Variants in ZNF605 observed in about 807,000 individuals in gnomAD.
ZNF605 encodes zinc finger protein 605.
ZNF605 carries 9 observed loss-of-function variants against 7.9 expected under a neutral mutation model. That is an observed-to-expected ratio of 1.14 (90% confidence interval 0.68 to 1.98). The LOEUF (loss-of-function observed/expected upper bound fraction) is 1.98, where lower values mean the gene tolerates loss of function less well. Among genes scored for constraint, ZNF605 ranks in the 30% most tolerant of loss-of-function variants. ZNF605 has a pLI of 0.00. For synonymous variants in ZNF605, 255 were observed against 260.1 expected, an observed-to-expected ratio of 0.98 and a Z score of 0.19; for missense variants, 673 against 762.4, an observed-to-expected ratio of 0.88 and a Z score of 1.38.
chr12:132,926,863 T>C lies in ZNF605; in HGVS notation c.436A>G (p.Ser146Gly). Residue 146 changes from serine to glycine, a missense_variant, in exon 5 of 5, where the codon AGT becomes GGT. Transcript: ENST00000360187. ...THGGIKYCDCSTCRKSSNEEP... is the reference protein window; with the variant it reads ...THGGIKYCDCGTCRKSSNEEP... ...TCGTTGCTGGATTTTCTACATGTAC[T>C]GCAATCACAGTATTTTATCCCACCA... The C allele has an allele frequency of 6.2e-7, 1 of 1,614,220 alleles. No individual in the cohort carries two copies. The highest frequency in any genetic ancestry group is 8.5e-7 in the Non-Finnish European group (1 of 1,180,038).
At chr12:132,939,254 C>T (rs1952405598) in intron 3 of ZNF605, among the ~76,000 whole-genome samples, 1 of 152,214 alleles carries the variant, frequency 6.6e-6, no homozygotes, top group Non-Finnish European at 1.5e-5. Context: ...TTATATCTAG[C>T]TCAGGGATTG....
chr12:132,928,426 A>G (rs945793882), intron 4 of ZNF605, among the ~76,000 whole-genome samples: 1 of 152,184 alleles, frequency 6.6e-6, no homozygotes, highest in African/African-American at 2.4e-5. Context: ...CAACACTTTT[A>G]TTCAACTTCT....
intron 1 of ZNF605, among the ~76,000 whole-genome samples, chr12:132,954,239 G>A (rs1006763923): frequency 6.7e-6 from 1 of 148,478 alleles, no homozygotes; most frequent in South Asian, 2.2e-4. Context: ...ATAATCACCA[G>A]CACCCCCAAA....
chr12:132,921,668 C>G lies in ZNF605; in HGVS notation c.*3705G>C, dbSNP rs1235915472. ...CGTCAATGAAGCCTCCTGGCATTGT[C>G]GGAAATAGAAAACATGTATAAAAAT... On this transcript the variant is annotated 3_prime_UTR_variant, in exon 5 of 5. Transcript: ENST00000360187. 6.6e-6 allele frequency: 1 copy of G among 152,084 alleles called. No homozygotes were observed. The highest frequency in any genetic ancestry group is 1.5e-5 in the Non-Finnish European group (1 of 68,030). 9.4% of individuals were successfully genotyped at this position (152,084 alleles called of 1,614,324 possible).
At position 132,947,061 on chromosome 12, in the gene ZNF605, G is replaced by A. The variant is rs757455540; in HGVS notation, c.-163+1087C>T. Among the ~76,000 whole-genome samples the A allele has an allele frequency of 2.8e-3, 428 of 152,234 alleles. 3 individuals carry two copies. Among genetic ancestry groups the A allele is most frequent in the Non-Finnish European group, 3.7e-3 (252 of 68,012 alleles). The stretch of plus-strand genomic sequence containing the variant: ...GAGTTTCGCTGTTGTAGCCCAGGCT[G>A]GAGTGCAATGGCATGATCTCGGCTT... On this transcript the variant is annotated intron_variant, in intron 2 of 4. Coordinates refer to ENST00000360187, the MANE Select transcript of ZNF605 (RefSeq NM_183238.4).
chr12:132,941,460 G>A lies in ZNF605; in HGVS notation c.15+4161C>T, dbSNP rs1208685609. On this transcript the variant is annotated intron_variant, in intron 3 of 4. Transcript: ENST00000360187. The surrounding 1 kb of genome is among the most constrained non-coding windows in gnomAD (Gnocchi z 5.1). Reference sequence around the variant, plus strand: ...CACTGACTTGGGCCACACTATCCAGGCCCGACATGACCAGATCTGCTTCCC... The same window carrying A: ...CACTGACTTGGGCCACACTATCCAGACCCGACATGACCAGATCTGCTTCCC... 1.3e-5 allele frequency among the ~76,000 whole-genome samples: 2 copies of A among 152,156 alleles called. No homozygotes were observed. Among genetic ancestry groups the A allele is most frequent in the Admixed American group, 1.3e-4 (2 of 15,278 alleles).
At position 132,926,095 on chromosome 12, in the gene ZNF605, A is replaced by G. The variant is rs780483580; in HGVS notation, c.1204T>C (p.Phe402Leu). Reference sequence around the variant, plus strand: ...CTTATTAACTCTGACTTCTTAAAGAAGGCCTCCTCACAATCACTGCATCGA... The same window carrying G: ...CTTATTAACTCTGACTTCTTAAAGAGGGCCTCCTCACAATCACTGCATCGA... Reference protein sequence around the residue: ...NYRCSDCEEAFFKKSELIRHQ... With the variant: ...NYRCSDCEEALFKKSELIRHQ... The change falls in exon 5 of 5, where the codon TTC (phenylalanine) becomes CTC (leucine). Residue 402 changes from phenylalanine to leucine, a missense_variant. By Grantham distance (22) the Phe-to-Leu change is conservative. Coordinates refer to ENST00000360187, the MANE Select transcript of ZNF605 (RefSeq NM_183238.4). 6.2e-7 allele frequency: 1 copy of G among 1,614,232 alleles called. No individual in the cohort carries two copies. Among genetic ancestry groups the G allele is most frequent in the Non-Finnish European group, 8.5e-7 (1 of 1,180,044 alleles).
chr12:132,933,210 A>G lies in ZNF605; in HGVS notation c.16-55T>C. 1 of 1,552,314 alleles carries G rather than the reference A, an allele frequency of 6.4e-7. No individual in the cohort carries two copies. Among genetic ancestry groups the G allele is most frequent in the Non-Finnish European group, 8.7e-7 (1 of 1,146,792 alleles). ...AAGTGGTTCTCATTTGGTCTTGTAA[A>G]ATACTTTCTTCTGTATTTGTGGTAG... On this transcript the variant is annotated intron_variant, in intron 3 of 4. Coordinates refer to ENST00000360187, the MANE Select transcript of ZNF605 (RefSeq NM_183238.4). The surrounding 1 kb of genome is among the most constrained non-coding windows in gnomAD (Gnocchi z 4.4).
rs916987288 is a variant in ZNF605 at position 132,919,178 on chromosome 12, T to C, written c.*6195A>G. On this transcript the variant is annotated 3_prime_UTR_variant, in exon 5 of 5. Transcript: ENST00000360187. ...CTTCTCCCACCCCCTATTGTAAGTT[T>C]AAGCTTGATTTGTTTTTTTAAGTAC... The C allele has an allele frequency of 3.3e-5, 5 of 152,180 alleles. No individual in the cohort carries two copies. Among genetic ancestry groups the C allele is most frequent in the African/African-American group, 1.2e-4 (5 of 41,444 alleles). 9.4% of individuals were successfully genotyped at this position (152,180 alleles called of 1,614,324 possible). A position where few individuals can be genotyped will look rare whatever the true frequency, so the allele number is the denominator to read the frequency against.
intron 2 of ZNF605, among the ~76,000 whole-genome samples, chr12:132,946,511 C>A (rs966331186): frequency 3.3e-5 from 5 of 152,170 alleles, no homozygotes; most frequent in Non-Finnish European, 5.9e-5. Flanking sequence ...CAGTTCACAC[C>A]GGAACAGATA....
In ZNF605 at chr12:132,920,440, G is replaced by A. The variant is rs1404435160; in HGVS notation, c.*4933C>T. On this transcript the variant is annotated 3_prime_UTR_variant, in exon 5 of 5. Coordinates refer to ENST00000360187, the MANE Select transcript of ZNF605 (RefSeq NM_183238.4). Reference sequence around the variant, plus strand: ...AGGCGTGAGCCACCGCGCCTGGCCTGGTTTATTTAATGTTAGCATTCTGAC... The same window carrying A: ...AGGCGTGAGCCACCGCGCCTGGCCTAGTTTATTTAATGTTAGCATTCTGAC... 2 of 152,094 alleles carry A rather than the reference G, an allele frequency of 1.3e-5. No individual in the cohort carries two copies. The highest frequency in any genetic ancestry group is 2.9e-5 in the Non-Finnish European group (2 of 68,046). The allele number at this position is 152,094 out of a possible 1,614,324, so 9.4% of individuals were successfully genotyped here. A position where few individuals can be genotyped will look rare whatever the true frequency, so the allele number is the denominator to read the frequency against.
At position 132,941,451 on chromosome 12, in the gene ZNF605, A is replaced by T. The variant is rs1952440251; in HGVS notation, c.15+4170T>A. Among the ~76,000 whole-genome samples the T allele has an allele frequency of 1.3e-5, 2 of 152,140 alleles. No homozygotes were observed. The highest frequency in any genetic ancestry group is 2.9e-5 in the Non-Finnish European group (2 of 68,020). On this transcript the variant is annotated intron_variant, in intron 3 of 4. Coordinates refer to ENST00000360187, the MANE Select transcript of ZNF605 (RefSeq NM_183238.4). The surrounding 1 kb of genome is among the most constrained non-coding windows in gnomAD (Gnocchi z 5.1). ...CACACATTCCACTGACTTGGGCCAC[A>T]CTATCCAGGCCCGACATGACCAGAT...
chr12:132,944,142 T>A (rs1312155732), intron 3 of ZNF605, among the ~76,000 whole-genome samples: 1 of 152,190 alleles, frequency 6.6e-6, no homozygotes, highest in Non-Finnish European at 1.5e-5. Context: ...ACAAGCCTTG[T>A]ACCTAGGGTG....
At chr12:132,945,136 G>C (rs1952483499) in intron 3 of ZNF605, 1 of 411,834 alleles carries the variant, frequency 2.4e-6, no homozygotes, top group South Asian at 2.7e-5. Flanking sequence ...GCTAATTTTT[G>C]TATTTTCAGT....
chr12:132,943,337 C>T (rs1266492131), intron 3 of ZNF605, among the ~76,000 whole-genome samples: 6 of 148,338 alleles, frequency 4.0e-5, no homozygotes, highest in Non-Finnish European at 5.9e-5. Flanking sequence ...CCAGTCTAGG[C>T]GACAGAGCGA....
intron 1 of ZNF605, among the ~76,000 whole-genome samples, chr12:132,950,489 G>A (rs1371245800): frequency 1.4e-5 from 2 of 147,598 alleles, no homozygotes; most frequent in Non-Finnish European, 3.0e-5. Context: ...ACACACAGAC[G>A]CACACGTACA....
intron 2 of ZNF605, among the ~76,000 whole-genome samples, chr12:132,946,522 C>T (rs1252603273): frequency 6.6e-6 from 1 of 152,222 alleles, no homozygotes; most frequent in Non-Finnish European, 1.5e-5. Context: ...GGAACAGATA[C>T]TGCCTGCACT....
chr12:132,951,190 GCACA>G (rs1189516784), intron 1 of ZNF605, among the ~76,000 whole-genome samples: 1 of 147,856 alleles, frequency 6.8e-6, no homozygotes, highest in Non-Finnish European at 1.5e-5. Flanking sequence ...ACACAGACAT[GCACA>G]CACACTCAGA....
In ZNF605 at chr12:132,941,362, C is replaced by T. The variant is rs2137148955; in HGVS notation, c.15+4259G>A. ...AAGGTAGATTGCCAGGTCAATCGGC[C>T]ATGACATTCTCGGCAGGTAGATCAA... On this transcript the variant is annotated intron_variant, in intron 3 of 4. Transcript: ENST00000360187. The surrounding 1 kb of genome is among the most constrained non-coding windows in gnomAD (Gnocchi z 5.1). Among the ~76,000 whole-genome samples, 1 of 152,308 alleles carries T rather than the reference C, an allele frequency of 6.6e-6. No individual in the cohort carries two copies. The highest frequency in any genetic ancestry group is 1.9e-4 in the East Asian group (1 of 5,180).
Sources: allele counts gnomAD v4.1 joint callset (sites outside exome capture counted in the v4.1 genomes callset), GRCh38; gene constraint gnomAD v4.1.1; non-coding constraint Gnocchi (gnomAD v3.1); transcripts MANE v1.5; gene names NCBI Gene and HGNC (gene_info 2026-07-23, HGNC 2026-07-21).